Variants in SLC25A26 observed in about 807,000 individuals in gnomAD.
SLC25A26 encodes solute carrier family 25 member 26.
SLC25A26 carries 36 observed loss-of-function variants against 37.8 expected under a neutral mutation model. That is an observed-to-expected ratio of 0.95 (90% CI 0.73 to 1.26). The LOEUF (loss-of-function observed/expected upper bound fraction) is 1.26. Ranked by LOEUF, SLC25A26 falls within the 50% of genes most tolerant of loss-of-function variation. SLC25A26 has a pLI of 0.00. For missense variants in SLC25A26, 390 were observed against 331.1 expected (o/e 1.18, Z -1.38); for synonymous variants, 129 against 122.5 (o/e 1.05, Z -0.35).
intron 1 of SLC25A26, among the ~76,000 whole-genome samples, chr3:66,181,319 G>C (rs2070701718): frequency 1.3e-5 from 2 of 152,334 alleles, no homozygotes; most frequent in Admixed American, 1.3e-4. Context: ...TCACTTACTA[G>C]TAGTGTGACC....
At chr3:66,241,695 G>T (rs892553032) in intron 2 of SLC25A26, among the ~76,000 whole-genome samples, 6 of 152,130 alleles carry the variant, frequency 3.9e-5, no homozygotes, top group African/African-American at 1.2e-4. Flanking sequence ...TTTGTGTGTG[G>T]TGTCTTTTTT....
intron 1 of SLC25A26, among the ~76,000 whole-genome samples, chr3:66,142,213 C>T (rs1054376906): frequency 6.6e-6 from 1 of 152,210 alleles, no homozygotes; most frequent in East Asian, 1.9e-4. Flanking sequence ...CTGCACACTT[C>T]ATGTAAATAA....
chr3:66,154,329 T>C (rs1222740824), intron 1 of SLC25A26, among the ~76,000 whole-genome samples: 1 of 152,086 alleles, frequency 6.6e-6, no homozygotes, highest in Non-Finnish European at 1.5e-5. Context: ...TGGCAGAGAT[T>C]ATCCTAAAAA....
intron 1 of SLC25A26, among the ~76,000 whole-genome samples, chr3:66,232,503 G>A (rs2072082621): frequency 6.6e-6 from 1 of 152,126 alleles, no homozygotes; most frequent in South Asian, 2.1e-4. Context: ...TAGATCTTGT[G>A]GTTTAATTGG....
chr3:66,345,482 C>T (rs2076299053), intron 5 of SLC25A26, among the ~76,000 whole-genome samples: 1 of 151,100 alleles, frequency 6.6e-6, no homozygotes, highest in Admixed American at 6.6e-5. Flanking sequence ...GTCTTCTGTC[C>T]TCCTCCTCTC....
At chr3:66,154,773 C>A (rs1322906374) in intron 1 of SLC25A26, among the ~76,000 whole-genome samples, 1 of 152,126 alleles carries the variant, frequency 6.6e-6, no homozygotes, top group Non-Finnish European at 1.5e-5. Context: ...TAAGCCACAG[C>A]GCCCGGCGGG....
At chr3:66,162,409 G>A (rs933175284) in intron 1 of SLC25A26, among the ~76,000 whole-genome samples, 38 of 150,364 alleles carry the variant, frequency 2.5e-4, no homozygotes, top group Admixed American at 1.2e-3. Flanking sequence ...AAACACAGGA[G>A]AAGTGACTTC....
At chr3:66,366,056 A>G (rs973901183) in intron 7 of SLC25A26, among the ~76,000 whole-genome samples, 1 of 152,212 alleles carries the variant, frequency 6.6e-6, no homozygotes, top group Admixed American at 6.5e-5. Context: ...TTGTTCCCCA[A>G]GGAAATAGGA....
At chr3:66,329,075 A>G (rs2075908972) in intron 5 of SLC25A26, among the ~76,000 whole-genome samples, 2 of 152,148 alleles carry the variant, frequency 1.3e-5, no homozygotes. Flanking sequence ...GTTTGCCATT[A>G]TTATTCTTAC....
chr3:66,351,854 C>G (rs578214199), intron 6 of SLC25A26, among the ~76,000 whole-genome samples: 1 of 152,276 alleles, frequency 6.6e-6, no homozygotes, highest in East Asian at 1.9e-4. Context: ...TCTAACACCC[C>G]TTGTTTGAAT....
intron 5 of SLC25A26, among the ~76,000 whole-genome samples, chr3:66,320,938 G>A (rs1362930561): frequency 2.6e-5 from 4 of 152,092 alleles, no homozygotes; most frequent in Non-Finnish European, 5.9e-5. Flanking sequence ...CTGAATATTT[G>A]TGTTCCCCCA....
intron 1 of SLC25A26, among the ~76,000 whole-genome samples, chr3:66,196,573 A>G (rs1210727738): frequency 6.6e-6 from 1 of 152,330 alleles, no homozygotes; most frequent in East Asian, 1.9e-4. Context: ...TAGATTAGCT[A>G]TTTTGTGGAT....
At chr3:66,292,587 G>A (rs1031046057) in intron 5 of SLC25A26, among the ~76,000 whole-genome samples, 3 of 152,120 alleles carry the variant, frequency 2.0e-5, no homozygotes, top group African/African-American at 7.2e-5. Context: ...GAAATTCTGG[G>A]TTGAAAATTC....
intron 5 of SLC25A26, among the ~76,000 whole-genome samples, chr3:66,264,096 A>T (rs1429052241): frequency 6.6e-6 from 1 of 152,060 alleles, no homozygotes; most frequent in Non-Finnish European, 1.5e-5. Context: ...GGCCAACATG[A>T]CGAAACCTCG....
intron 5 of SLC25A26, among the ~76,000 whole-genome samples, chr3:66,302,292 A>G (rs2075098843): frequency 6.6e-6 from 1 of 152,194 alleles, no homozygotes; most frequent in Non-Finnish European, 1.5e-5. Context: ...ACAAGCTAAC[A>G]TGTTAAAATT....
chr3:66,156,177 A>G (rs1195889774), intron 1 of SLC25A26, among the ~76,000 whole-genome samples: 1 of 152,174 alleles, frequency 6.6e-6, no homozygotes, highest in African/African-American at 2.4e-5. Context: ...AAAGCCCATC[A>G]ACAGCAAGGG....
chr3:66,284,979 G>C (rs2074461874), intron 5 of SLC25A26, among the ~76,000 whole-genome samples: 1 of 152,076 alleles, frequency 6.6e-6, no homozygotes, highest in Non-Finnish European at 1.5e-5. Context: ...GTACAAACAT[G>C]GGTAGTAAAA....
chr3:66,297,789 A>G (rs908782459), intron 5 of SLC25A26, among the ~76,000 whole-genome samples: 22 of 152,188 alleles, frequency 1.4e-4, no homozygotes, highest in Admixed American at 2.0e-4. Context: ...TAAGCTATTT[A>G]TTATCTGACT....
At position 66,243,184 on chromosome 3, in the gene SLC25A26, G is replaced by T; in HGVS notation, c.191-19G>T. 1 of 1,312,800 alleles carries T rather than the reference G, an allele frequency of 7.6e-7. No homozygotes were observed. The highest frequency in any genetic ancestry group is 2.3e-5 in the East Asian group (1 of 42,768). The allele number at this position is 1,312,800 out of a possible 1,614,324, so 81.3% of individuals were successfully genotyped here. A position where few individuals can be genotyped will look rare whatever the true frequency, so the allele number is the denominator to read the frequency against. ...ATATGTTTAAACTTTGTGAAAGACTGGCTTGTTTTAAATTTCAGCTGCTGC... is the reference window on the plus strand; with the variant it reads ...ATATGTTTAAACTTTGTGAAAGACTTGCTTGTTTTAAATTTCAGCTGCTGC... On this transcript the variant is annotated intron_variant, in intron 2 of 9. Coordinates refer to ENST00000354883, the MANE Select transcript of SLC25A26 (RefSeq NM_001379210.1).
Sources: gnomAD v4.1 joint callset for allele counts (sites outside exome capture counted in the v4.1 genomes callset) on GRCh38, gnomAD v4.1.1 for gene constraint, MANE v1.5 for transcripts, NCBI Gene and HGNC (gene_info 2026-07-23, HGNC 2026-07-21) for gene names.